Variants in PLAAT4 observed in about 807,000 individuals in gnomAD.
PLAAT4 encodes phospholipase A and acyltransferase 4.
In PLAAT4, 12 loss-of-function variants were observed where a neutral mutation model predicts 14.1. That is an observed-to-expected ratio of 0.85 (90% CI 0.54 to 1.37). The LOEUF (loss-of-function observed/expected upper bound fraction) is 1.37, where lower values mean the gene tolerates loss of function less well. Ranked by LOEUF, PLAAT4 falls within the 40% of genes most tolerant of loss-of-function variation. The probability of loss-of-function intolerance (pLI) is 0.00; values close to 1 mark genes in which losing one functional copy is unlikely to be tolerated. For synonymous variants in PLAAT4, 77 were observed against 79.8 expected, an observed-to-expected ratio of 0.96 and a Z score of 0.19; for missense variants, 163 against 211.7, an observed-to-expected ratio of 0.77 and a Z score of 1.43.
intron 2 of PLAAT4, among the ~76,000 whole-genome samples, chr11:63,543,016 C>A (rs1218578079): frequency 6.6e-6 from 1 of 152,160 alleles, no homozygotes; most frequent in African/African-American, 2.4e-5. Context: ...AACTTCAATA[C>A]TTTTCTTAAG....
rs201897796 is a variant in PLAAT4, at chr11:63,541,195, C to CTT, written c.118+1585_118+1586dup. 5.4e-3 allele frequency among the ~76,000 whole-genome samples: 759 copies of CTT among 139,396 alleles called. 5 individuals carry two copies. Among genetic ancestry groups the CTT allele is most frequent in the African/African-American group, 0.018 (688 of 37,670 alleles). The allele number at this position is 139,396 out of a possible 152,430, so 91.4% of individuals were successfully genotyped here. On this transcript the variant is annotated intron_variant, in intron 2 of 3. Coordinates refer to ENST00000255688, the MANE Select transcript of PLAAT4 (RefSeq NM_004585.5). ...GCCTAACTTGCAGTGTGTAAAGAGG[C>CTT]TTTTTTTTTTTTTTTAAGACAGAGT...
Position 63,546,271 on chromosome 11 carries a change from C to G in PLAAT4, c.*15C>G. The G allele has an allele frequency of 6.2e-7, 1 of 1,612,198 alleles. No homozygotes were observed. On this transcript the variant is annotated 3_prime_UTR_variant, in exon 4 of 4. Transcript: ENST00000255688. ...CGACAGCCTGAAGCAGCCACAAAAT[C>G]CTGTGTTAGAAGCAGCTGTGGGGGT...
chr11:63,543,869 T>G (rs1301166847), intron 2 of PLAAT4, among the ~76,000 whole-genome samples: 2 of 152,228 alleles, frequency 1.3e-5, no homozygotes, highest in Admixed American at 6.5e-5. Flanking sequence ...GTCAGCCCAG[T>G]GCAGTGGAAG....
At chr11:63,540,481 A>G (rs946007908) in intron 2 of PLAAT4, among the ~76,000 whole-genome samples, 8 of 152,308 alleles carry the variant, frequency 5.3e-5, no homozygotes, top group Non-Finnish European at 8.8e-5. Context: ...ATACCCAGTT[A>G]AAAGCAGAAT....
In PLAAT4 at chr11:63,544,655, C is replaced by G; in HGVS notation, c.153C>G (p.Phe51Leu). The part of the protein sequence containing the change: ...EYPGAGSSSV[F>L]SVLSNSAEVK... ...CCGGGGCTGGCTCCTCCAGTGTCTTCTCAGTCCTGAGCAACAGTGCAGAGG... is the reference window on the plus strand; with the variant it reads ...CCGGGGCTGGCTCCTCCAGTGTCTTGTCAGTCCTGAGCAACAGTGCAGAGG... The change falls in exon 3 of 4, where the codon TTC (phenylalanine) becomes TTG (leucine). Residue 51 changes from phenylalanine to leucine, a missense_variant. Coordinates refer to ENST00000255688, the MANE Select transcript of PLAAT4 (RefSeq NM_004585.5). 1 of 1,614,164 alleles carries G rather than the reference C, an allele frequency of 6.2e-7. No individual in the cohort carries two copies. The highest frequency in any genetic ancestry group is 1.1e-5 in the South Asian group (1 of 91,086).
chr11:63,539,670 A>T, intron 2 of PLAAT4, 46 bp downstream of exon 2: 1 of 1,475,396 alleles, frequency 6.8e-7, no homozygotes, highest in Non-Finnish European at 9.4e-7. Context: ...TGTTAAAAGG[A>T]TAATGAGAGG....
rs573982613 is a variant in PLAAT4, at chr11:63,539,344, T to C, written c.10-172T>C. ...CATTCTCCAGGCTTCCAGCCCCCAG[T>C]GCCCCCACTGAGAAGAGCCTCTGAA... is the stretch of plus-strand genomic sequence containing the variant. On this transcript the variant is annotated intron_variant, in intron 1 of 3. Coordinates refer to ENST00000255688, the MANE Select transcript of PLAAT4 (RefSeq NM_004585.5). Among the ~76,000 whole-genome samples the C allele has an allele frequency of 4.5e-4, 69 of 152,296 alleles. 1 individual carries two copies. Among genetic ancestry groups the C allele is most frequent in the Middle Eastern group, 6.8e-3 (2 of 294 alleles).
In PLAAT4 at chr11:63,544,865, A is replaced by G. The variant is rs1287520796; in HGVS notation, c.363A>G (p.Arg121=). ...RNCEHFVTQL[R]YGKSRCKQVE... is the part of the protein sequence containing the mutation. ...GTGAGCACTTTGTCACCCAGCTGAG[A>G]TATGGCAAGTCCCGCTGTAAACAGG... The change falls in exon 3 of 4, where the codon AGA becomes AGG. Residue 121 remains arginine, a synonymous_variant. Coordinates refer to ENST00000255688, the MANE Select transcript of PLAAT4 (RefSeq NM_004585.5). 6.2e-7 allele frequency: 1 copy of G among 1,614,216 alleles called. No individual in the cohort carries two copies. The highest frequency in any genetic ancestry group is 1.1e-5 in the South Asian group (1 of 91,086).
chr11:63,539,391 C>A (rs937678184), intron 1 of PLAAT4, 125 bp from the exon 2 acceptor site: 7 of 768,164 alleles, frequency 9.1e-6, no homozygotes, highest in Non-Finnish European at 1.6e-5. Flanking sequence ...GGCTGAGGAT[C>A]TCATGGGGCT....
At chr11:63,542,090 T>C (rs2017326352) in intron 2 of PLAAT4, among the ~76,000 whole-genome samples, 1 of 152,192 alleles carries the variant, frequency 6.6e-6, no homozygotes, top group Non-Finnish European at 1.5e-5. Flanking sequence ...AGGACCAAAA[T>C]TATTTTCAGT....
chr11:63,538,342 C>G (rs1590662783), intron 1 of PLAAT4: 1 of 371,730 alleles, frequency 2.7e-6, no homozygotes, highest in East Asian at 1.1e-4. Context: ...TATGGAGTGG[C>G]AGGGACAGGA....
At chr11:63,539,444 CA>C in intron 1 of PLAAT4, 71 bp from the exon 2 acceptor site, 1 of 1,260,544 alleles carries the variant, frequency 7.9e-7, no homozygotes, top group Non-Finnish European at 1.2e-6. Context: ...GGATGAGCTG[CA>C]GCTCCCCCAG....
intron 1 of PLAAT4, 112 bp from the exon 2 acceptor site, chr11:63,539,404 C>A: frequency 1.2e-6 from 1 of 828,068 alleles, no homozygotes; most frequent in Non-Finnish European, 2.1e-6. Flanking sequence ...ATGGGGCTAG[C>A]AGCTGATGAA....
At chr11:63,540,578 C>A (rs1283488296) in intron 2 of PLAAT4, among the ~76,000 whole-genome samples, 1 of 152,198 alleles carries the variant, frequency 6.6e-6, no homozygotes, top group Non-Finnish European at 1.5e-5. Flanking sequence ...ATAATCCCAG[C>A]ACTTTGGGAG....
Position 63,546,227 on chromosome 11 carries a change from A to G in PLAAT4, c.466A>G (p.Arg156Gly). The change falls in exon 4 of 4, where the codon AGG becomes GGG. Residue 156 changes from arginine to glycine, a missense_variant. Coordinates refer to ENST00000255688, the MANE Select transcript of PLAAT4 (RefSeq NM_004585.5). ...TGTTGCTGGATGCTCTTTTGCGATTAGGAGATACCAAAAAAAAGCGACAGC... is the reference window on the plus strand; with the variant it reads ...TGTTGCTGGATGCTCTTTTGCGATTGGGAGATACCAAAAAAAAGCGACAGC... The part of the protein sequence containing the change: ...LVVAGCSFAI[R>G]RYQKKATA 2 of 1,610,790 alleles carry G rather than the reference A, an allele frequency of 1.2e-6. No homozygotes were observed. Among genetic ancestry groups the G allele is most frequent in the Non-Finnish European group, 8.5e-7 (1 of 1,177,898 alleles).
At chr11:63,539,346 C>T (rs1017930272) in intron 1 of PLAAT4, among the ~76,000 whole-genome samples, 170 bp from the exon 2 acceptor site, 3 of 152,200 alleles carry the variant, frequency 2.0e-5, no homozygotes, top group African/African-American at 7.2e-5. Context: ...GCCCCCAGTG[C>T]CCCCACTGAG....
At chr11:63,545,067 A>AT in intron 3 of PLAAT4, 178 bp downstream of exon 3, 1 of 855,300 alleles carries the variant, frequency 1.2e-6, no homozygotes, top group Non-Finnish European at 1.9e-6. Flanking sequence ...GGGTCTTTGG[A>AT]CAGTTCCCTT....
intron 2 of PLAAT4, among the ~76,000 whole-genome samples, chr11:63,544,296 C>A (rs546063610): frequency 1.2e-4 from 19 of 152,228 alleles, no homozygotes; most frequent in African/African-American, 4.3e-4. Flanking sequence ...CGAACATTCA[C>A]ACCTTATTTT....
At position 63,546,199 on chromosome 11, in the gene PLAAT4, G is replaced by T; in HGVS notation, c.438G>T (p.Leu146=). The part of the protein sequence containing the change: ...EVGVATALGI[L]VVAGCSFAIR... ...GTGTGGCCACGGCGCTTGGAATCCT[G>T]GTTGTTGCTGGATGCTCTTTTGCGA... is the stretch of plus-strand genomic sequence containing the variant. The change falls in exon 4 of 4, where the codon CTG becomes CTT. Residue 146 remains leucine, a synonymous_variant. Coordinates refer to ENST00000255688, the MANE Select transcript of PLAAT4 (RefSeq NM_004585.5). 6.2e-7 allele frequency: 1 copy of T among 1,614,138 alleles called. No individual in the cohort carries two copies. The highest frequency in any genetic ancestry group is 1.3e-5 in the African/African-American group (1 of 75,042).
Sources: allele counts gnomAD v4.1 joint callset (sites outside exome capture counted in the v4.1 genomes callset), GRCh38; gene constraint gnomAD v4.1.1; transcripts MANE v1.5; gene names NCBI Gene and HGNC (gene_info 2026-07-23, HGNC 2026-07-21).